The following SND1 variants were observed in gnomAD, a reference collection of about 807,000 sequenced individuals.
SND1 encodes staphylococcal nuclease and tudor domain containing 1, also known as staphylococcal nuclease domain-containing protein 1.
SND1 carries 38 observed loss-of-function variants against 121.7 expected under a neutral mutation model. That is an observed-to-expected ratio of 0.31 (90% CI 0.24 to 0.41). The LOEUF (loss-of-function observed/expected upper bound fraction) is 0.41. SND1 is among the 10% of genes least tolerant of loss of function. The probability of loss-of-function intolerance (pLI) is 1.00; values close to 1 mark genes in which losing one functional copy is unlikely to be tolerated. For missense variants in SND1, 868 were observed against 1,184.6 expected (o/e 0.73, Z 3.92); for synonymous variants, 401 against 447.4 (o/e 0.90, Z 1.31).
chr7:128,060,509 TTAAAA>T (rs1485990462), intron 16 of SND1, among the ~76,000 whole-genome samples: 1 of 152,218 alleles, frequency 6.6e-6, no homozygotes, highest in Non-Finnish European at 1.5e-5. Context: ...AAGCACCTGC[TTAAAA>T]TAAAGGATGG....
chr7:128,017,686 C>T lies in SND1; in HGVS notation c.1779+26630C>T, dbSNP rs953748956. ...TTCCAACTCCAGCAGCAGCACCACT[C>T]GGGGAGGGGGGGCAAACTCTTTACC... On this transcript the variant is annotated intron_variant, in intron 16 of 23. Coordinates refer to ENST00000354725, the MANE Select transcript of SND1 (RefSeq NM_014390.4). Among the ~76,000 whole-genome samples the T allele has an allele frequency of 4.6e-5, 7 of 152,208 alleles. 1 individual carries two copies. Among genetic ancestry groups the T allele is most frequent in the South Asian group, 2.1e-4 (1 of 4,828 alleles).
intron 12 of SND1, chr7:127,858,285 G>T: frequency 1.2e-6 from 1 of 865,720 alleles, no homozygotes; most frequent in Non-Finnish European, 1.9e-6. Context: ...TCCGGGCACT[G>T]CGGGGAACTG....
chr7:127,846,402 T>G (rs1301148210), intron 12 of SND1, among the ~76,000 whole-genome samples: 1 of 152,178 alleles, frequency 6.6e-6, no homozygotes, highest in African/African-American at 2.4e-5. Flanking sequence ...ATTATGAGTT[T>G]CTTCATAGGG....
chr7:127,751,430 G>T (rs1797092265), intron 10 of SND1, among the ~76,000 whole-genome samples: 1 of 152,222 alleles, frequency 6.6e-6, no homozygotes, highest in Non-Finnish European at 1.5e-5. Context: ...CAGGTGAGCA[G>T]TGGCTTTTCT....
chr7:127,957,041 A>C (rs1801611207), intron 15 of SND1, among the ~76,000 whole-genome samples: 1 of 152,244 alleles, frequency 6.6e-6, no homozygotes, highest in African/African-American at 2.4e-5. Context: ...AGGCCGTCTG[A>C]GAAACCTAGT....
Position 127,810,620 on chromosome 7 carries a change from T to C in SND1, c.1242+3047T>C, listed in dbSNP as rs550066019. Among the ~76,000 whole-genome samples the C allele has an allele frequency of 2.0e-5, 3 of 152,350 alleles. No homozygotes were observed. In the South Asian group the frequency reaches 6.2e-4, roughly 32 times the overall value. On this transcript the variant is annotated intron_variant, in intron 11 of 23. Transcript: ENST00000354725. ...CTGGTGTCCTTAGGCTGTGGTCTTC[T>C]TCTGATAGCAGGAGCAATCTTTTTC...
intron 9 of SND1, among the ~76,000 whole-genome samples, chr7:127,708,698 G>T (rs1028925895): frequency 6.6e-6 from 1 of 152,162 alleles, no homozygotes; most frequent in Middle Eastern, 3.4e-3. Flanking sequence ...CTATAAAAAT[G>T]TTTTTTCTTA....
intron 16 of SND1, among the ~76,000 whole-genome samples, chr7:128,061,592 G>A (rs972452039): frequency 2.6e-5 from 4 of 152,254 alleles, no homozygotes; most frequent in South Asian, 2.1e-4. Context: ...AGAGGGCTGC[G>A]GCACATTAGA....
At chr7:127,884,568 C>T (rs1426925248) in intron 12 of SND1, among the ~76,000 whole-genome samples, 2 of 151,898 alleles carry the variant, frequency 1.3e-5, no homozygotes, top group Non-Finnish European at 2.9e-5. Flanking sequence ...CAAGCTTTGA[C>T]GAAACTCTTT....
intron 16 of SND1, among the ~76,000 whole-genome samples, chr7:128,013,636 C>A (rs1803161148): frequency 6.6e-6 from 1 of 152,190 alleles, no homozygotes; most frequent in African/African-American, 2.4e-5. Flanking sequence ...GAAACTGTTA[C>A]ACCTCAGATC....
intron 12 of SND1, among the ~76,000 whole-genome samples, chr7:127,867,284 CTACCTTTTCAGTA>C (rs1331286958): frequency 6.6e-6 from 1 of 152,158 alleles, no homozygotes; most frequent in Non-Finnish European, 1.5e-5. Flanking sequence ...TTGTTTTCTT[CTACCTTTTCAGTA>C]TACCACACTT....
At chr7:127,975,830 C>T (rs919298259) in intron 15 of SND1, among the ~76,000 whole-genome samples, 1 of 152,210 alleles carries the variant, frequency 6.6e-6, no homozygotes, top group South Asian at 2.1e-4. Context: ...TCTCTCTGCT[C>T]CACTCCACTC....
In SND1 at chr7:128,015,309, A is replaced by C. The variant is rs1234045685; in HGVS notation, c.1779+24253A>C. On this transcript the variant is annotated intron_variant, in intron 16 of 23. Coordinates refer to ENST00000354725, the MANE Select transcript of SND1 (RefSeq NM_014390.4). This position sits in a 1 kb window ranked among gnomAD's most constrained non-coding sequence, Gnocchi z 4.5. The stretch of plus-strand genomic sequence containing the variant: ...GCATATTAATCAGGGTGACATGATA[A>C]AAAGAATTTATCTGAAACTCATAGA... Among the ~76,000 whole-genome samples the C allele has an allele frequency of 6.6e-6, 1 of 152,214 alleles. No individual in the cohort carries two copies. The highest frequency in any genetic ancestry group is 2.4e-5 in the African/African-American group (1 of 41,448).
chr7:128,037,701 G>C (rs1002310762), intron 16 of SND1, among the ~76,000 whole-genome samples: 1 of 152,196 alleles, frequency 6.6e-6, no homozygotes, highest in Non-Finnish European at 1.5e-5. Flanking sequence ...CCAAGCAGGA[G>C]CTGTGTGGCT....
At chr7:127,866,974 C>A (rs1799490297) in intron 12 of SND1, among the ~76,000 whole-genome samples, 1 of 152,118 alleles carries the variant, frequency 6.6e-6, no homozygotes, top group African/African-American at 2.4e-5. Context: ...GATTCCAGTT[C>A]TTTTGTTCTC....
At chr7:128,034,169 T>C (rs1472807083) in intron 16 of SND1, among the ~76,000 whole-genome samples, 1 of 151,994 alleles carries the variant, frequency 6.6e-6, no homozygotes, top group Non-Finnish European at 1.5e-5. Context: ...CTACTCTTCA[T>C]AGAGTAAATG....
chr7:128,013,836 C>T (rs1283230690), intron 16 of SND1, among the ~76,000 whole-genome samples: 1 of 152,198 alleles, frequency 6.6e-6, no homozygotes, highest in African/African-American at 2.4e-5. Flanking sequence ...GGGGAGACCT[C>T]GGCCTAAGTT....
chr7:127,866,639 T>C (rs1440558559), intron 12 of SND1, among the ~76,000 whole-genome samples: 2 of 152,180 alleles, frequency 1.3e-5, no homozygotes, highest in Non-Finnish European at 2.9e-5. Flanking sequence ...TCTTCAAATC[T>C]TGCTGCATAA....
intron 10 of SND1, among the ~76,000 whole-genome samples, chr7:127,774,073 T>G (rs936078228): frequency 6.6e-6 from 1 of 152,220 alleles, no homozygotes; most frequent in Non-Finnish European, 1.5e-5. Flanking sequence ...ATACTCTTTC[T>G]GCTTATTTTT....
Sources: allele counts gnomAD v4.1 joint callset (sites outside exome capture counted in the v4.1 genomes callset), GRCh38; gene constraint gnomAD v4.1.1; non-coding constraint Gnocchi (gnomAD v3.1); transcripts MANE v1.5; gene names NCBI Gene and HGNC (gene_info 2026-07-23, HGNC 2026-07-21).